The following SPAST variants were observed in gnomAD, a reference collection of about 807,000 sequenced individuals.
The protein encoded by SPAST is spastic paraplegia 4 (autosomal dominant; spastin).
A neutral mutation model predicts 76.6 loss-of-function variants in SPAST; 30 were observed. That is an observed-to-expected ratio of 0.39 (90% CI 0.29 to 0.53). The LOEUF (loss-of-function observed/expected upper bound fraction) is 0.53, where lower values mean the gene tolerates loss of function less well. Ranked by LOEUF, SPAST falls within the 20% of genes least tolerant of loss-of-function variation. SPAST has a pLI of 0.68. For missense variants in SPAST, 717 were observed against 770.5 expected (o/e 0.93, Z 0.82); for synonymous variants, 305 against 281.0 (o/e 1.09, Z -0.86).
intron 1 of SPAST, among the ~76,000 whole-genome samples, chr2:32,076,110 A>G (rs1201335212): frequency 6.6e-6 from 1 of 151,400 alleles, no homozygotes; most frequent in African/African-American, 2.4e-5. Flanking sequence ...CATGTTGTCC[A>G]GGCTAGCCTT....
At position 32,097,036 on chromosome 2, in the gene SPAST, T is replaced by C. The variant is rs190053099; in HGVS notation, c.587-1760T>C. ...CCGTAAACCAAGCATGGTACCTGTT[T>C]GTCAAACTTTAGAAATGAAAGTTTA... On this transcript the variant is annotated intron_variant, in intron 3 of 16. Coordinates refer to ENST00000315285, the MANE Select transcript of SPAST (RefSeq NM_014946.4). Among the ~76,000 whole-genome samples, 10 of 152,354 alleles carry C rather than the reference T, an allele frequency of 6.6e-5. No individual in the cohort carries two copies. The East Asian group carries it at 1.9e-3, about 29-fold the overall frequency.
chr2:32,127,337 C>T lies in SPAST; in HGVS notation c.1173+315C>T, dbSNP rs778838609. On this transcript the variant is annotated intron_variant, in intron 8 of 16. Transcript: ENST00000315285. ...TTCGCCATGTTGGCCAGGCTGGTGT[C>T]GAACTCCTGACCTCAAGCAGTCCTC... The T allele has an allele frequency of 1.1e-4, 38 of 351,562 alleles. 1 individual carries two copies. Among genetic ancestry groups the T allele is most frequent in the South Asian group, 4.5e-4 (18 of 39,574 alleles). The allele number at this position is 351,562 out of a possible 1,614,324, so 21.8% of individuals were successfully genotyped here. A position where few individuals can be genotyped will look rare whatever the true frequency, so the allele number is the denominator to read the frequency against.
At chr2:32,078,399 C>G (rs944881781) in intron 1 of SPAST, among the ~76,000 whole-genome samples, 10 of 152,138 alleles carry the variant, frequency 6.6e-5, no homozygotes, top group African/African-American at 2.4e-4. Context: ...TGGTCTCGAA[C>G]GCCTAGCCTC....
At position 32,093,714 on chromosome 2, in the gene SPAST, G is replaced by A. The variant is rs145654727; in HGVS notation, c.586+4109G>A. Reference sequence around the variant, plus strand: ...CAGTGTCTAGCACATGCTAGTTACCGAATAAATATTTGCCAAGTTAATGAA... The same window carrying A: ...CAGTGTCTAGCACATGCTAGTTACCAAATAAATATTTGCCAAGTTAATGAA... On this transcript the variant is annotated intron_variant, in intron 3 of 16. Transcript: ENST00000315285. Among the ~76,000 whole-genome samples, 1,330 of 152,176 alleles carry A rather than the reference G, an allele frequency of 8.7e-3. 20 individuals are homozygous for A. Among genetic ancestry groups the A allele is most frequent in the African/African-American group, 0.031 (1,268 of 41,516 alleles).
intron 1 of SPAST, among the ~76,000 whole-genome samples, chr2:32,065,740 C>T (rs1676483413): frequency 6.6e-6 from 1 of 152,176 alleles, no homozygotes; most frequent in Non-Finnish European, 1.5e-5. Context: ...GCACTTCATT[C>T]ATAGTGTCTG....
At chr2:32,085,756 G>T (rs1449159102) in intron 1 of SPAST, among the ~76,000 whole-genome samples, 2 of 152,188 alleles carry the variant, frequency 1.3e-5, no homozygotes, top group Non-Finnish European at 1.5e-5. Context: ...ACTTCATGTG[G>T]CCAGGTGCGG....
At chr2:32,078,367 T>G (rs1677059581) in intron 1 of SPAST, among the ~76,000 whole-genome samples, 1 of 152,020 alleles carries the variant, frequency 6.6e-6, no homozygotes, top group Non-Finnish European at 1.5e-5. Flanking sequence ...AGAGATGGAG[T>G]TTCTGGCCAA....
Position 32,116,085 on chromosome 2 carries a change from G to A in SPAST, c.1005-34G>A, listed in dbSNP as rs370247740. ...ATCTTGTAATAACTGGGCCCTGTTT[G>A]TATCGTAGAACTAACTGAGGTCTTG... On this transcript the variant is annotated intron_variant, in intron 6 of 16. Transcript: ENST00000315285. The A allele has an allele frequency of 1.6e-5, 23 of 1,462,060 alleles. No homozygotes were observed. The African/African-American group carries it at 2.6e-4, about 17-fold the overall frequency. 90.6% of individuals were successfully genotyped at this position (1,462,060 alleles called of 1,614,324 possible). A position where few individuals can be genotyped will look rare whatever the true frequency, so the allele number is the denominator to read the frequency against.
chr2:32,146,667 C>G (rs919727386), intron 15 of SPAST, among the ~76,000 whole-genome samples: 1 of 152,006 alleles, frequency 6.6e-6, no homozygotes, highest in South Asian at 2.1e-4. Flanking sequence ...GAGTTCGAGA[C>G]CAGCTTGGCC....
intron 1 of SPAST, among the ~76,000 whole-genome samples, chr2:32,068,487 C>T (rs1676616730): frequency 6.6e-6 from 1 of 151,852 alleles, no homozygotes. Context: ...CCACACCCAG[C>T]CAATTTTTGT....
intron 4 of SPAST, among the ~76,000 whole-genome samples, chr2:32,103,017 A>G (rs1182163403): frequency 6.6e-6 from 1 of 152,074 alleles, no homozygotes; most frequent in Non-Finnish European, 1.5e-5. Context: ...TTTTCTATTG[A>G]TTGGAATCAT....
chr2:32,089,062 G>C (rs6738349), intron 2 of SPAST, among the ~76,000 whole-genome samples: 64,384 of 151,746 alleles, frequency 0.42, 13,968 homozygotes, highest in East Asian at 0.65. Context: ...TTTTTTATAG[G>C]TATTATATGT....
intron 12 of SPAST, among the ~76,000 whole-genome samples, chr2:32,139,689 C>T (rs973929042): frequency 1.3e-5 from 2 of 151,748 alleles, no homozygotes; most frequent in Non-Finnish European, 2.9e-5. Flanking sequence ...ATTAGCCAGG[C>T]GTGGTGGTGG....
At chr2:32,153,071 T>C (rs1397807622) in intron 16 of SPAST, among the ~76,000 whole-genome samples, 7 of 152,050 alleles carry the variant, frequency 4.6e-5, no homozygotes, top group African/African-American at 1.7e-4. Context: ...ATATGTTTTT[T>C]TCTTTTTGGC....
At chr2:32,084,355 A>G (rs1294989927) in intron 1 of SPAST, among the ~76,000 whole-genome samples, 2 of 150,346 alleles carry the variant, frequency 1.3e-5, no homozygotes, top group Admixed American at 6.6e-5. Context: ...TAGTAGAGAC[A>G]GGGTTTCACT....
chr2:32,151,867 T>C (rs1294875832), intron 16 of SPAST, among the ~76,000 whole-genome samples: 1 of 149,894 alleles, frequency 6.7e-6, no homozygotes, highest in African/African-American at 2.5e-5. Flanking sequence ...GCTGAGATCG[T>C]ACCACTGCAC....
intron 16 of SPAST, among the ~76,000 whole-genome samples, chr2:32,149,256 ATTTTTTT>A (rs59020104): frequency 8.1e-6 from 1 of 123,604 alleles, no homozygotes; most frequent in African/African-American, 3.0e-5. Context: ...CGCCCAGCTA[ATTTTTTT>A]TTTTTTTGTA....
intron 1 of SPAST, 27 bp downstream of exon 1, chr2:32,064,273 GGCGGCGC>G: frequency 6.7e-7 from 1 of 1,501,410 alleles, no homozygotes; most frequent in Non-Finnish European, 9.0e-7. Flanking sequence ...GGGAGGGGGC[GGCGGCGC>G]CGGGAAGAAG....
intron 1 of SPAST, among the ~76,000 whole-genome samples, chr2:32,071,120 C>T (rs1056627943): frequency 6.6e-6 from 1 of 152,140 alleles, no homozygotes; most frequent in Non-Finnish European, 1.5e-5. Context: ...TGCATGGCTC[C>T]TGTGGGTAGA....
Sources: gnomAD v4.1 joint callset for allele counts (sites outside exome capture counted in the v4.1 genomes callset) on GRCh38, gnomAD v4.1.1 for gene constraint, MANE v1.5 for transcripts, NCBI Gene and HGNC (gene_info 2026-07-23, HGNC 2026-07-21) for gene names.